MRC2: variants seen among roughly 807,000 people sequenced by gnomAD.
MRC2 encodes the protein mannose receptor C-type 2.
MRC2 carries 84 observed loss-of-function variants against 206.2 expected under a neutral mutation model. The ratio of observed to expected loss-of-function variants is 0.41; its 90% confidence interval spans 0.34 to 0.49. The LOEUF (loss-of-function observed/expected upper bound fraction) is 0.49, where lower values mean the gene tolerates loss of function less well. Among genes scored for constraint, MRC2 ranks in the 20% least tolerant of loss-of-function variants. The pLI, the probability that MRC2 is intolerant of heterozygous loss-of-function variation, is 0.31. For synonymous variants in MRC2, 798 were observed against 800.0 expected, an observed-to-expected ratio of 1.00 and a Z score of 0.04; for missense variants, 1,676 against 2,001.5, an observed-to-expected ratio of 0.84 and a Z score of 3.10.
intron 1 of MRC2, among the ~76,000 whole-genome samples, chr17:62,640,715 C>T (rs888068135): frequency 1.3e-4 from 19 of 149,982 alleles, no homozygotes; most frequent in African/African-American, 4.2e-4. Context: ...GACAGAGTCT[C>T]GCTCTGTCGC....
Position 62,667,516 on chromosome 17 carries a change from C to G in MRC2, c.1100C>G (p.Ala367Gly). Residue 367 changes from alanine to glycine, a missense_variant, in exon 6 of 30, where the codon GCC becomes GGC. By Grantham distance (60) the Ala-to-Gly change is moderately conservative. Transcript: ENST00000303375. This position sits in a 1 kb window ranked among gnomAD's most constrained non-coding sequence, Gnocchi z 4.1. Reference sequence around the variant, plus strand: ...TGCAAGAAGAAGCCCAACGCCACGGCCGAGCCCACCCCTCCAGGTGAGCCA... The same window carrying G: ...TGCAAGAAGAAGCCCAACGCCACGGGCGAGCCCACCCCTCCAGGTGAGCCA... ...YVCKKKPNAT[A>G]EPTPPDRWAN... The G allele has an allele frequency of 6.2e-7, 1 of 1,610,728 alleles. No individual in the cohort carries two copies. Among genetic ancestry groups the G allele is most frequent in the Non-Finnish European group, 8.5e-7 (1 of 1,179,296 alleles).
chr17:62,633,840 CAAAAAAAAAAAAAAAAAAAAAAAAA>C lies in MRC2; in HGVS notation c.118+5938_118+5962del, dbSNP rs571793821. Among the ~76,000 whole-genome samples, 32 of 33,894 alleles carry C rather than the reference CAAAAAAAAAAAAAAAAAAAAAAAAA, an allele frequency of 9.4e-4. 1 individual carries two copies. Among genetic ancestry groups the C allele is most frequent in the South Asian group, 2.0e-3 (1 of 502 alleles). The allele number at this position is 33,894 out of a possible 152,430, so 22.2% of individuals were successfully genotyped here. A position where few individuals can be genotyped will look rare whatever the true frequency, so the allele number is the denominator to read the frequency against. ...TGAGTGACAGAGTGAGACCCTGTCT[CAAAAAAAAAAAAAAAAAAAAAAAAA>C]AAAAAAAAAAAAAAAAATCCTAACT... On this transcript the variant is annotated intron_variant, in intron 1 of 29. Coordinates refer to ENST00000303375, the MANE Select transcript of MRC2 (RefSeq NM_006039.5).
chr17:62,630,271 G>A (rs2084205997), intron 1 of MRC2, among the ~76,000 whole-genome samples: 1 of 152,216 alleles, frequency 6.6e-6, no homozygotes, highest in Non-Finnish European at 1.5e-5. Context: ...TCATGTGCAA[G>A]TTCCCATTTC....
chr17:62,629,661 G>C (rs1051687178), intron 1 of MRC2, among the ~76,000 whole-genome samples: 3 of 152,212 alleles, frequency 2.0e-5, no homozygotes, highest in African/African-American at 7.2e-5. Flanking sequence ...CCCCTGCCCT[G>C]CCAAATTCCA....
chr17:62,674,165 C>T lies in MRC2; in HGVS notation c.1564C>T (p.Arg522Trp), dbSNP rs557384301. 1.7e-5 allele frequency: 27 copies of T among 1,547,378 alleles called. No individual in the cohort carries two copies. Among genetic ancestry groups the T allele is most frequent in the South Asian group, 1.3e-4 (11 of 83,776 alleles). ...QGAAEEDHGC[R>W]KGWTWHSPSC... ...GGCCGCCGAGGAGGACCATGGCTGC[C>T]GGAAGGTGAGGGTGTTTCTGGAGCT... Residue 522 changes from arginine to tryptophan, a missense_variant, in exon 9 of 30, where the codon CGG becomes TGG. Around this residue, in one of 3 missense-constraint regions of MRC2, gnomAD observed 1,354 missense variants for 1,636.6 expected, o/e 0.83. Transcript: ENST00000303375.
intron 1 of MRC2, among the ~76,000 whole-genome samples, chr17:62,638,157 G>A (rs535088708): frequency 1.3e-5 from 2 of 152,234 alleles, no homozygotes; most frequent in South Asian, 2.1e-4. Context: ...GCAACTATGA[G>A]GCTGGCATTT....
Position 62,652,087 on chromosome 17 carries a change from C to G in MRC2, c.119-12461C>G, listed in dbSNP as rs1460951788. Among the ~76,000 whole-genome samples, 2 of 152,146 alleles carry G rather than the reference C, an allele frequency of 1.3e-5. No individual in the cohort carries two copies. Among genetic ancestry groups the G allele is most frequent in the African/African-American group, 4.8e-5 (2 of 41,426 alleles). On this transcript the variant is annotated intron_variant, in intron 1 of 29. Transcript: ENST00000303375. The surrounding 1 kb of genome is among the most constrained non-coding windows in gnomAD (Gnocchi z 4.6). Reference sequence around the variant, plus strand: ...GACTCTTCAATGAACCAGAGGGGCACGTGTAATATTTCCGCTTTCGGTTAC... The same window carrying G: ...GACTCTTCAATGAACCAGAGGGGCAGGTGTAATATTTCCGCTTTCGGTTAC...
chr17:62,657,887 C>T (rs568310912), intron 1 of MRC2, among the ~76,000 whole-genome samples: 4 of 152,230 alleles, frequency 2.6e-5, no homozygotes, highest in Non-Finnish European at 4.4e-5. Flanking sequence ...CCGGCCACTT[C>T]GGGTGGAAAA....
intron 20 of MRC2, among the ~76,000 whole-genome samples, chr17:62,686,182 G>A (rs1050716639): frequency 1.1e-4 from 17 of 152,232 alleles, no homozygotes; most frequent in South Asian, 6.2e-4. Flanking sequence ...GGCTGGGCGC[G>A]GTGGCTCAGC....
intron 9 of MRC2, among the ~76,000 whole-genome samples, chr17:62,674,960 T>A (rs189822587): frequency 6.6e-6 from 1 of 151,516 alleles, no homozygotes; most frequent in Admixed American, 6.6e-5. Context: ...CCCCAAAGCC[T>A]CCCCCAGAAA....
At chr17:62,643,450 C>T (rs978356629) in intron 1 of MRC2, among the ~76,000 whole-genome samples, 5 of 151,950 alleles carry the variant, frequency 3.3e-5, no homozygotes, top group Non-Finnish European at 7.4e-5. Context: ...GAAGGGTACT[C>T]AGCAACCAGG....
rs1049520515 is a variant in MRC2, at chr17:62,656,380, C to T, written c.119-8168C>T. Reference sequence around the variant, plus strand: ...TAATTTTTAAATTTTTTTGTAGAGACGGGATCTCACCATGTTACCTAGGCT... The same window carrying T: ...TAATTTTTAAATTTTTTTGTAGAGATGGGATCTCACCATGTTACCTAGGCT... On this transcript the variant is annotated intron_variant, in intron 1 of 29. Coordinates refer to ENST00000303375, the MANE Select transcript of MRC2 (RefSeq NM_006039.5). Among the ~76,000 whole-genome samples the T allele has an allele frequency of 7.2e-5, 11 of 152,200 alleles. No homozygotes were observed. In the South Asian group the frequency reaches 8.3e-4, roughly 11 times the overall value.
chr17:62,671,888 G>A lies in MRC2; in HGVS notation c.1306+51G>A, dbSNP rs1254418346. On this transcript the variant is annotated intron_variant, in intron 7 of 29. Coordinates refer to ENST00000303375, the MANE Select transcript of MRC2 (RefSeq NM_006039.5). This position sits in a 1 kb window ranked among gnomAD's most constrained non-coding sequence, Gnocchi z 4.5. ...TGGGTGGAGGGCAGGGCCTCCCACT[G>A]CCCCACCCATCCTGTCCAGGAGCCT... 4 of 1,588,734 alleles carry A rather than the reference G, an allele frequency of 2.5e-6. No individual in the cohort carries two copies. Among genetic ancestry groups the A allele is most frequent in the Non-Finnish European group, 3.4e-6 (4 of 1,163,856 alleles).
intron 1 of MRC2, among the ~76,000 whole-genome samples, chr17:62,662,304 G>T (rs1224793181): frequency 6.6e-6 from 1 of 152,010 alleles, no homozygotes; most frequent in Non-Finnish European, 1.5e-5. Context: ...ACTATAATAG[G>T]ATGATGAGAT....
intron 13 of MRC2, among the ~76,000 whole-genome samples, 159 bp downstream of exon 13, chr17:62,678,805 G>A (rs1318895505): frequency 6.6e-6 from 1 of 152,186 alleles, no homozygotes; most frequent in Non-Finnish European, 1.5e-5. Flanking sequence ...GGACCATCTT[G>A]TCCTCACTCA....
At chr17:62,630,259 C>T (rs1381784741) in intron 1 of MRC2, among the ~76,000 whole-genome samples, 3 of 152,218 alleles carry the variant, frequency 2.0e-5, no homozygotes, top group Non-Finnish European at 4.4e-5. Flanking sequence ...ACGCTCAACC[C>T]TTCATGTGCA....
chr17:62,651,309 C>G (rs1416650081), intron 1 of MRC2, among the ~76,000 whole-genome samples: 1 of 152,144 alleles, frequency 6.6e-6, no homozygotes, highest in Admixed American at 6.5e-5. Flanking sequence ...GTCTCTATCT[C>G]TTGACCTCGT....
At chr17:62,655,526 A>T (rs1256572641) in intron 1 of MRC2, among the ~76,000 whole-genome samples, 1 of 152,010 alleles carries the variant, frequency 6.6e-6, no homozygotes, top group Non-Finnish European at 1.5e-5. Context: ...TGGGCAACAG[A>T]GCGAGACTCC....
In MRC2 at chr17:62,675,101, G is replaced by A. The variant is rs1022241706; in HGVS notation, c.1570-689G>A. 6.6e-6 allele frequency among the ~76,000 whole-genome samples: 1 copy of A among 152,030 alleles called. No homozygotes were observed. Among genetic ancestry groups the A allele is most frequent in the African/African-American group, 2.4e-5 (1 of 41,286 alleles). On this transcript the variant is annotated intron_variant, in intron 9 of 29. Coordinates refer to ENST00000303375, the MANE Select transcript of MRC2 (RefSeq NM_006039.5). This position sits in a 1 kb window ranked among gnomAD's most constrained non-coding sequence, Gnocchi z 4.1. ...AGGGGCTGTGTCATGGCTGCGAAGA[G>A]GTGAAGGGAGGAGTAGAGAGGAATT...
Sources: gnomAD v4.1 joint callset for allele counts (sites outside exome capture counted in the v4.1 genomes callset) on GRCh38, gnomAD v4.1.1 for gene constraint, gnomAD v4.1.1 regional missense constraint, Gnocchi (gnomAD v3.1) non-coding constraint, MANE v1.5 for transcripts, NCBI Gene and HGNC (gene_info 2026-07-23, HGNC 2026-07-21) for gene names.